Variants in AFAP1 observed in about 807,000 individuals in gnomAD.
AFAP1 encodes the protein actin filament-associated protein 1.
Under a neutral mutation model 93.9 loss-of-function variants are expected in AFAP1, and 75 were observed. The observed-to-expected ratio is 0.80, with a 90% CI of 0.66 to 0.97. AFAP1 has a LOEUF of 0.97. AFAP1 is among the 50% of genes least tolerant of loss of function. The probability of loss-of-function intolerance (pLI) is 0.00; values close to 1 mark genes in which losing one functional copy is unlikely to be tolerated. For synonymous variants in AFAP1, 517 were observed against 430.7 expected (o/e 1.20, Z -2.48); for missense variants, 1,201 against 1,050.8 (o/e 1.14, Z -1.98).
chr4:7,810,261 G>T (rs188867148), intron 8 of AFAP1, among the ~76,000 whole-genome samples: 3 of 152,346 alleles, frequency 2.0e-5, no homozygotes, highest in African/African-American at 4.8e-5. Context: ...TAGGAAGCTT[G>T]TAACAAGGAC....
intron 1 of AFAP1, among the ~76,000 whole-genome samples, chr4:7,906,526 C>T (rs114279337): frequency 0.023 from 3,542 of 152,238 alleles, 115 homozygotes; most frequent in African/African-American, 0.073. Context: ...ATCTAGGCTT[C>T]GAGAGCCTCA....
intron 1 of AFAP1, among the ~76,000 whole-genome samples, chr4:7,874,661 G>A (rs1336877665): frequency 6.8e-6 from 1 of 147,800 alleles, no homozygotes; most frequent in Non-Finnish European, 1.5e-5. Flanking sequence ...GGGATTACAG[G>A]CATGAGCCAC....
At chr4:7,812,477 C>T (rs1440483265) in intron 8 of AFAP1, among the ~76,000 whole-genome samples, 3 of 151,990 alleles carry the variant, frequency 2.0e-5, no homozygotes, top group African/African-American at 4.8e-5. Context: ...AATCCTGGGG[C>T]GAAAAAATCC....
At chr4:7,917,754 TG>T (rs1221600051) in intron 1 of AFAP1, among the ~76,000 whole-genome samples, 1 of 152,156 alleles carries the variant, frequency 6.6e-6, no homozygotes, top group Non-Finnish European at 1.5e-5. Flanking sequence ...CCAAGGAGTT[TG>T]GAACCACCCT....
At chr4:7,848,476 G>A (rs1261098828) in intron 4 of AFAP1, among the ~76,000 whole-genome samples, 1 of 152,142 alleles carries the variant, frequency 6.6e-6, no homozygotes, top group African/African-American at 2.4e-5. Flanking sequence ...GGGCAGTGGT[G>A]CTGGTATAAG....
chr4:7,907,621 A>G (rs949169894), intron 1 of AFAP1, among the ~76,000 whole-genome samples: 4 of 152,300 alleles, frequency 2.6e-5, no homozygotes, highest in African/African-American at 4.8e-5. Flanking sequence ...TCCGAAATCT[A>G]TAACTTTTTG....
intron 1 of AFAP1, among the ~76,000 whole-genome samples, chr4:7,883,185 CAAAA>C (rs34238719): frequency 2.3e-3 from 113 of 49,980 alleles, no homozygotes; most frequent in African/African-American, 8.3e-3. Flanking sequence ...AACCCTATCT[CAAAA>C]AAAAAAAAAA....
At chr4:7,865,907 A>AT (rs1478923282) in intron 3 of AFAP1, among the ~76,000 whole-genome samples, 1 of 152,026 alleles carries the variant, frequency 6.6e-6, no homozygotes, top group African/African-American at 2.4e-5. Flanking sequence ...GTTTTGTTTT[A>AT]TTTTTTGAGA....
intron 1 of AFAP1, among the ~76,000 whole-genome samples, chr4:7,887,984 G>A (rs764518002): frequency 6.4e-4 from 98 of 151,980 alleles, no homozygotes; most frequent in Non-Finnish European, 1.3e-3. Context: ...GCGCCACCAC[G>A]CCCGGCTAAG....
Position 7,878,259 on chromosome 4 carries a change from C to T in AFAP1, c.-2-6179G>A, listed in dbSNP as rs149734993. Among the ~76,000 whole-genome samples the T allele has an allele frequency of 9.5e-3, 1,448 of 152,258 alleles. 29 individuals carry two copies. The highest frequency in any genetic ancestry group is 0.033 in the African/African-American group (1,387 of 41,538). ...ATCGTACTACTCTGGTCTGTGGACA[C>T]GCAGCAGGTGTAGGACACCCACGTC... is the stretch of plus-strand genomic sequence containing the variant. On this transcript the variant is annotated intron_variant, in intron 1 of 17. Transcript: ENST00000420658.
intron 1 of AFAP1, among the ~76,000 whole-genome samples, chr4:7,880,073 A>G (rs1717754656): frequency 6.6e-6 from 1 of 152,096 alleles, no homozygotes. Context: ...CAAAGCAAAC[A>G]CACTTCCTGC....
rs1479591880 is a variant in AFAP1, at chr4:7,809,752, T to C, written c.916A>G (p.Lys306Glu). The C allele has an allele frequency of 6.2e-7, 1 of 1,613,576 alleles. No homozygotes were observed. Among genetic ancestry groups the C allele is most frequent in the Non-Finnish European group, 8.5e-7 (1 of 1,179,890 alleles). Reference sequence around the variant, plus strand: ...CCCTTGGCCTCTGATTTGGAACTTTTCTTCCTCTTCACTGTCAAGAGTAAC... The same window carrying C: ...CCCTTGGCCTCTGATTTGGAACTTTCCTTCCTCTTCACTGTCAAGAGTAAC... ...CNGKEQVKRK[K>E]SSKSEAKGTV... Residue 306 changes from lysine (K) to glutamate (E), a missense_variant, in exon 9 of 18, where the codon AAA (lysine) becomes GAA (glutamate). Transcript: ENST00000420658.
At chr4:7,798,307 A>G (rs1253782350) in intron 10 of AFAP1, among the ~76,000 whole-genome samples, 1 of 130,508 alleles carries the variant, frequency 7.7e-6, no homozygotes, top group Non-Finnish European at 1.6e-5. Flanking sequence ...TTGCAACCCT[A>G]TTGGCTGGCT....
chr4:7,802,995 T>C (rs1719194934), intron 9 of AFAP1, among the ~76,000 whole-genome samples: 1 of 152,224 alleles, frequency 6.6e-6, no homozygotes, highest in Non-Finnish European at 1.5e-5. Context: ...CTATCATATC[T>C]GAGCACCCGA....
At chr4:7,895,922 G>A (rs1169590891) in intron 1 of AFAP1, among the ~76,000 whole-genome samples, 1 of 147,596 alleles carries the variant, frequency 6.8e-6, no homozygotes, top group African/African-American at 2.5e-5. Flanking sequence ...GCAGTGGCGC[G>A]ATCTTGGCTC....
intron 16 of AFAP1, among the ~76,000 whole-genome samples, chr4:7,770,071 G>T (rs540495995): frequency 6.6e-6 from 1 of 152,366 alleles, no homozygotes; most frequent in Non-Finnish European, 1.5e-5. Flanking sequence ...CTGCAGCGGT[G>T]CAGAGTGCTT....
chr4:7,873,109 G>C (rs942866080), intron 1 of AFAP1, among the ~76,000 whole-genome samples: 3 of 150,568 alleles, frequency 2.0e-5, no homozygotes, highest in Non-Finnish European at 4.4e-5. Flanking sequence ...CGGGCGTGGT[G>C]GCATGTGCCT....
chr4:7,800,637 G>A lies in AFAP1; in HGVS notation c.1071C>T (p.Leu357=), dbSNP rs999012939. 12 of 1,614,164 alleles carry A rather than the reference G, an allele frequency of 7.4e-6. No individual in the cohort carries two copies. Among genetic ancestry groups the A allele is most frequent in the Admixed American group, 1.7e-5 (1 of 60,018 alleles). The change falls in exon 10 of 18, where the codon CTC becomes CTT. Residue 357 remains leucine, a synonymous_variant. Transcript: ENST00000420658. Reference sequence around the variant, plus strand: ...AGCGCTCTCGCCAGCGGCTGTTGGAGAGCACGTTCAGATAGCCTGCGGAGA... The same window carrying A: ...AGCGCTCTCGCCAGCGGCTGTTGGAAAGCACGTTCAGATAGCCTGCGGAGA... ...DVPTCGYLNV[L]SNSRWRERWC...
chr4:7,809,585 C>G, intron 9 of AFAP1, 29 bp downstream of exon 9: 2 of 1,603,866 alleles, frequency 1.2e-6, no homozygotes, highest in Non-Finnish European at 1.7e-6. Flanking sequence ...TAGGTGCACG[C>G]TGCTCGTCTC....
Sources: gnomAD v4.1 joint callset for allele counts (sites outside exome capture counted in the v4.1 genomes callset) on GRCh38, gnomAD v4.1.1 for gene constraint, MANE v1.5 for transcripts, NCBI Gene and HGNC (gene_info 2026-07-23, HGNC 2026-07-21) for gene names.